The following DIAPH2 variants were observed in gnomAD, a reference collection of about 807,000 sequenced individuals.
DIAPH2 encodes protein diaphanous homolog 2.
DIAPH2 carries 35 observed loss-of-function variants against 92.7 expected under a neutral mutation model. The observed-to-expected ratio is 0.38, with a 90% CI of 0.29 to 0.50. The LOEUF (loss-of-function observed/expected upper bound fraction) is 0.50. Ranked by LOEUF, DIAPH2 falls within the 20% of genes least tolerant of loss-of-function variation. The probability of loss-of-function intolerance (pLI) is 0.94; values close to 1 mark genes in which losing one functional copy is unlikely to be tolerated. For missense variants in DIAPH2, 701 were observed against 819.5 expected, an observed-to-expected ratio of 0.86 and a Z score of 1.77; for synonymous variants, 301 against 280.4, an observed-to-expected ratio of 1.07 and a Z score of -0.73.
At chrX:97,382,821 TAAAGA>T (rs1331372783) in intron 24 of DIAPH2, among the ~76,000 whole-genome samples, 1 of 112,110 alleles carries the variant, frequency 8.9e-6, no homozygotes, top group East Asian at 2.8e-4. Context: ...TCTTTTAACA[TAAAGA>T]AAAAAATTAT....
At chrX:97,423,760 A>C (rs2147772027) in intron 25 of DIAPH2, among the ~76,000 whole-genome samples, 1 of 111,875 alleles carries the variant, frequency 8.9e-6, no homozygotes, top group African/African-American at 3.2e-5. Context: ...AGCATTACAA[A>C]ATTTTCCCTT....
chrX:97,369,197 C>T (rs761045913), intron 24 of DIAPH2, among the ~76,000 whole-genome samples: 21 of 111,691 alleles, frequency 1.9e-4, no homozygotes, highest in African/African-American at 5.8e-4. Flanking sequence ...CGTGAGCCAC[C>T]GCGACCAGCC....
At chrX:96,928,622 T>G (rs910363152) in intron 9 of DIAPH2, among the ~76,000 whole-genome samples, 3 of 111,210 alleles carry the variant, frequency 2.7e-5, no homozygotes, top group Non-Finnish European at 5.7e-5. Flanking sequence ...TTTATCAGCT[T>G]ATGTTGGAAA....
At chrX:97,123,887 C>T (rs984040597) in intron 21 of DIAPH2, among the ~76,000 whole-genome samples, 12 of 112,597 alleles carry the variant, frequency 1.1e-4, no homozygotes, top group Non-Finnish European at 2.2e-4. Context: ...GCTACCTGGT[C>T]TCCTTGTGTG....
intron 1 of DIAPH2, among the ~76,000 whole-genome samples, chrX:96,692,627 C>T (rs1448054807): frequency 8.9e-6 from 1 of 112,002 alleles, no homozygotes; most frequent in Non-Finnish European, 1.9e-5. Flanking sequence ...CTGTTATGTA[C>T]CATCAAAAAT....
intron 1 of DIAPH2, among the ~76,000 whole-genome samples, chrX:96,705,346 C>T (rs1383178474): frequency 9.0e-6 from 1 of 111,116 alleles, no homozygotes; most frequent in Non-Finnish European, 1.9e-5. Flanking sequence ...GAGACCTCAA[C>T]TCTAAAAAAT....
intron 26 of DIAPH2, among the ~76,000 whole-genome samples, chrX:97,531,346 AAGAAAT>A (rs1380897962): frequency 1.8e-5 from 2 of 110,801 alleles, no homozygotes. Context: ...TTTCTAATAG[AAGAAAT>A]AGAAATAACA....
intron 4 of DIAPH2, among the ~76,000 whole-genome samples, chrX:96,836,717 A>ATTTTTTTT (rs1172979194): frequency 5.3e-5 from 1 of 18,895 alleles, no homozygotes; most frequent in Non-Finnish European, 8.7e-5. Context: ...ATATATATAT[A>ATTTTTTTT]TTTTTTTTTT....
At chrX:97,133,780 G>A (rs1410249820) in intron 21 of DIAPH2, among the ~76,000 whole-genome samples, 2 of 112,225 alleles carry the variant, frequency 1.8e-5, no homozygotes, top group East Asian at 2.8e-4. Flanking sequence ...CAGGGCCATG[G>A]AGCAGGAATG....
At chrX:97,545,852 A>G (rs1198175241) in intron 26 of DIAPH2, among the ~76,000 whole-genome samples, 2 of 108,991 alleles carry the variant, frequency 1.8e-5, no homozygotes, top group Non-Finnish European at 3.8e-5. Context: ...CCAATTTTCA[A>G]CTTAGTCTTA....
At chrX:97,100,506 C>CA (rs200407431) in intron 20 of DIAPH2, among the ~76,000 whole-genome samples, 152 of 110,999 alleles carry the variant, frequency 1.4e-3, no homozygotes, top group African/African-American at 4.6e-3. Context: ...AAAACAAAAA[C>CA]AAAAAAATGG....
chrX:97,358,441 G>C (rs2069289459), intron 24 of DIAPH2, among the ~76,000 whole-genome samples: 1 of 111,232 alleles, frequency 9.0e-6, no homozygotes, highest in Admixed American at 9.6e-5. Flanking sequence ...AGCCCAAAAT[G>C]TCAGTAATGT....
At chrX:96,976,392 G>A (rs2065962367) in intron 17 of DIAPH2, among the ~76,000 whole-genome samples, 1 of 110,679 alleles carries the variant, frequency 9.0e-6, no homozygotes, top group South Asian at 3.8e-4. Context: ...AAAGTGCTAG[G>A]AATACAGGTG....
At chrX:96,701,601 T>TA (rs980930903) in intron 1 of DIAPH2, 1 of 111,098 alleles carries the variant, frequency 9.0e-6, no homozygotes, top group African/African-American at 3.3e-5. Context: ...CGAGATAACT[T>TA]ACTACCTTCA....
At chrX:97,168,089 C>CTT (rs59856390) in intron 22 of DIAPH2, among the ~76,000 whole-genome samples, 2,639 of 96,688 alleles carry the variant, frequency 0.027, 81 homozygotes, top group African/African-American at 0.082. Context: ...ATTAGACAGT[C>CTT]TTTTTTTTTT....
At chrX:97,438,803 G>A (rs779982101) in intron 26 of DIAPH2, among the ~76,000 whole-genome samples, 4 of 111,994 alleles carry the variant, frequency 3.6e-5, no homozygotes, top group Non-Finnish European at 5.6e-5. Flanking sequence ...TAGAGATTCT[G>A]ACAGGAAACG....
At chrX:96,701,945 C>T (rs190024986) in intron 1 of DIAPH2, among the ~76,000 whole-genome samples, 20 of 111,359 alleles carry the variant, frequency 1.8e-4, no homozygotes, top group Admixed American at 7.7e-4. Flanking sequence ...ATATGGGAAA[C>T]GAGTCTCAGA....
chrX:97,438,355 GTTTGTTTTTTT>G (rs1723546820), intron 26 of DIAPH2, among the ~76,000 whole-genome samples: 2 of 41,840 alleles, frequency 4.8e-5, no homozygotes, highest in African/African-American at 1.8e-4. Flanking sequence ...TTTTTTGTTT[GTTTGTTTTTTT>G]TTTTTTTTTT....
intron 25 of DIAPH2, among the ~76,000 whole-genome samples, chrX:97,399,701 G>A (rs1249562737): frequency 8.9e-6 from 1 of 112,105 alleles, no homozygotes; most frequent in African/African-American, 3.2e-5. Context: ...GCATTAAGCA[G>A]CCTCTTTCTG....
Sources: allele counts gnomAD v4.1 joint callset (sites outside exome capture counted in the v4.1 genomes callset), GRCh38; gene constraint gnomAD v4.1.1; transcripts MANE v1.5; gene names NCBI Gene and HGNC (gene_info 2026-07-23, HGNC 2026-07-21).